The following DYTN variants were observed in gnomAD, a reference collection of about 807,000 sequenced individuals.
The protein encoded by DYTN is dystrotelin.
Under a neutral mutation model 69.6 loss-of-function variants are expected in DYTN, and 75 were observed. That is an observed-to-expected ratio of 1.08 (90% CI 0.89 to 1.31). The LOEUF (loss-of-function observed/expected upper bound fraction) is 1.31, where lower values mean the gene tolerates loss of function less well. Among genes scored for constraint, DYTN ranks in the 50% most tolerant of loss-of-function variants. The pLI, the probability that DYTN is intolerant of heterozygous loss-of-function variation, is 0.00. For synonymous variants in DYTN, 252 were observed against 249.1 expected (o/e 1.01, Z -0.11); for missense variants, 726 against 688.4 (o/e 1.05, Z -0.61).
chr2:206,706,448 AT>A (rs1162600083), intron 3 of DYTN, among the ~76,000 whole-genome samples: 8 of 152,074 alleles, frequency 5.3e-5, no homozygotes, highest in African/African-American at 1.7e-4. Context: ...AAATGAAAAA[AT>A]AACTTGAGAA....
intron 11 of DYTN, among the ~76,000 whole-genome samples, chr2:206,654,214 T>C (rs1699421515): frequency 6.6e-6 from 1 of 152,208 alleles, no homozygotes; most frequent in African/African-American, 2.4e-5. Context: ...GCAATGAATA[T>C]AGTGAATCCT....
intron 9 of DYTN, among the ~76,000 whole-genome samples, chr2:206,689,134 A>C (rs1699839293): frequency 6.6e-6 from 1 of 152,226 alleles, no homozygotes; most frequent in African/African-American, 2.4e-5. Flanking sequence ...AAGAGTGATG[A>C]TATTTGGCAC....
At chr2:206,656,949 A>G (rs551327347) in intron 11 of DYTN, among the ~76,000 whole-genome samples, 71 of 152,000 alleles carry the variant, frequency 4.7e-4, no homozygotes, top group African/African-American at 1.7e-3. Flanking sequence ...TTTAGTAGAG[A>G]TGGGGTTTCT....
At position 206,699,854 on chromosome 2, in the gene DYTN, A is replaced by G. The variant is rs1699958054; in HGVS notation, c.592T>C (p.Ser198Pro). ...SPAIKEEKFLSWVQSEPPILL... is the reference protein window; with the variant it reads ...SPAIKEEKFLPWVQSEPPILL... ...ATGGGAGGCTCAGATTGGACCCAAG[A>G]CAGGAATTTTTCTTCTTTGATTGCT... The change falls in exon 7 of 12, where the codon TCT (serine) becomes CCT (proline). Residue 198 changes from serine to proline, a missense_variant. Physicochemically the swap from Ser to Pro is moderately conservative, Grantham distance 74. Transcript: ENST00000452335. The G allele has an allele frequency of 6.2e-7, 1 of 1,613,512 alleles. No individual in the cohort carries two copies. Among genetic ancestry groups the G allele is most frequent in the Non-Finnish European group, 8.5e-7 (1 of 1,179,776 alleles).
intron 9 of DYTN, among the ~76,000 whole-genome samples, chr2:206,679,568 G>T (rs139933374): frequency 6.6e-6 from 1 of 152,122 alleles, no homozygotes; most frequent in African/African-American, 2.4e-5. Flanking sequence ...GGTATATTCT[G>T]TTATACAATT....
At chr2:206,686,408 T>C (rs1163573372) in intron 9 of DYTN, 1 of 152,164 alleles carries the variant, frequency 6.6e-6, no homozygotes, top group African/African-American at 2.4e-5. Flanking sequence ...TACAGAATAA[T>C]CACAAAAACA....
At chr2:206,688,465 G>T (rs1453243594) in intron 9 of DYTN, among the ~76,000 whole-genome samples, 1 of 152,066 alleles carries the variant, frequency 6.6e-6, no homozygotes, top group Non-Finnish European at 1.5e-5. Flanking sequence ...AAATAGACAC[G>T]AAAAGGACAC....
At chr2:206,667,832 A>G (rs988054917) in intron 9 of DYTN, among the ~76,000 whole-genome samples, 2 of 152,094 alleles carry the variant, frequency 1.3e-5, no homozygotes, top group Admixed American at 1.3e-4. Context: ...CACTGCTGTT[A>G]GCATATTTGT....
intron 9 of DYTN, chr2:206,678,881 G>A (rs1367580999): frequency 6.6e-6 from 1 of 152,126 alleles, no homozygotes; most frequent in Admixed American, 6.5e-5. Context: ...ATAAAAGAAG[G>A]TTTTAGATTT....
At position 206,694,858 on chromosome 2, in the gene DYTN, G is replaced by C. The variant is rs766808603; in HGVS notation, c.739C>G (p.Leu247Val). The change falls in exon 8 of 12, where the codon CTC (leucine) becomes GTC (valine). Residue 247 changes from leucine to valine, a missense_variant. Leu to Val is a conservative substitution (Grantham distance 32, BLOSUM62 1). Coordinates refer to ENST00000452335, the MANE Select transcript of DYTN (RefSeq NM_001093730.1). ...TGLRYRCLKC[L>V]NFDICQMCFL... The stretch of plus-strand genomic sequence containing the variant: ...CACATCTGGCAGATGTCAAAGTTGA[G>C]ACACTTCAGACAGCGGTATCTGCCA... 1.8e-5 allele frequency: 29 copies of C among 1,602,804 alleles called. No homozygotes were observed. Among genetic ancestry groups the C allele is most frequent in the Non-Finnish European group, 2.3e-5 (27 of 1,176,068 alleles).
intron 1 of DYTN, among the ~76,000 whole-genome samples, chr2:206,715,284 C>G (rs780154133): frequency 2.0e-4 from 31 of 152,096 alleles, no homozygotes; most frequent in Admixed American, 5.2e-4. Flanking sequence ...GGGTGCCTGT[C>G]CAGGATTTCC....
At chr2:206,706,915 A>C (rs1382612001) in intron 3 of DYTN, among the ~76,000 whole-genome samples, 1 of 151,980 alleles carries the variant, frequency 6.6e-6, no homozygotes, top group Non-Finnish European at 1.5e-5. Flanking sequence ...AAAAAAAAAA[A>C]ACAATTGATA....
chr2:206,666,738 C>CGTGTGTGT (rs56345459), intron 9 of DYTN, among the ~76,000 whole-genome samples: 132 of 145,744 alleles, frequency 9.1e-4, no homozygotes, highest in Admixed American at 2.2e-3. Context: ...CATGGGTGTG[C>CGTGTGTGT]GTGTGTGTGT....
chr2:206,664,073 G>GA (rs35598459), intron 10 of DYTN, among the ~76,000 whole-genome samples: 199 of 142,260 alleles, frequency 1.4e-3, no homozygotes, highest in Admixed American at 3.2e-3. Context: ...ACTAGCAGTG[G>GA]AAAAAAAAAA....
chr2:206,705,929 G>C, intron 3 of DYTN, 56 bp from the exon 4 acceptor site: 1 of 1,571,666 alleles, frequency 6.4e-7, no homozygotes, highest in Non-Finnish European at 8.7e-7. Context: ...TACCTTTGGT[G>C]TAATGGATGA....
intron 11 of DYTN, among the ~76,000 whole-genome samples, chr2:206,659,224 T>A (rs1187667827): frequency 7.9e-6 from 1 of 126,292 alleles, no homozygotes; most frequent in African/African-American, 3.0e-5. Flanking sequence ...CAGGTTGGAG[T>A]GCACGGGCGC....
chr2:206,694,940 A>T, intron 7 of DYTN, 63 bp from the exon 8 acceptor site: 1 of 1,176,306 alleles, frequency 8.5e-7, no homozygotes, highest in Non-Finnish European at 1.2e-6. Flanking sequence ...AAAAAAAAAG[A>T]ATATCCAGGT....
chr2:206,655,841 G>GA (rs1699441829), intron 11 of DYTN, among the ~76,000 whole-genome samples: 2 of 152,068 alleles, frequency 1.3e-5, no homozygotes, highest in African/African-American at 4.8e-5. Flanking sequence ...ACTGTGGTTG[G>GA]AAAAGATATT....
At chr2:206,710,060 T>G (rs1336996993) in intron 2 of DYTN, among the ~76,000 whole-genome samples, 2 of 152,236 alleles carry the variant, frequency 1.3e-5, no homozygotes, top group East Asian at 3.8e-4. Context: ...GGTTATTTAT[T>G]CATTTGTACC....
Sources: allele counts gnomAD v4.1 joint callset (sites outside exome capture counted in the v4.1 genomes callset), GRCh38; gene constraint gnomAD v4.1.1; transcripts MANE v1.5; gene names NCBI Gene and HGNC (gene_info 2026-07-23, HGNC 2026-07-21).